KATNIP: variants seen among roughly 807,000 people sequenced by gnomAD.
KATNIP encodes the protein katanin-interacting protein.
KATNIP carries 126 observed loss-of-function variants against 174.0 expected under a neutral mutation model. The observed-to-expected ratio is 0.72, with a 90% CI of 0.63 to 0.84. The LOEUF is 0.84. Ranked by LOEUF, KATNIP falls within the 40% of genes least tolerant of loss-of-function variation. KATNIP has a pLI of 0.00. For synonymous variants in KATNIP, 810 were observed against 835.7 expected (o/e 0.97, Z 0.53); for missense variants, 1,958 against 2,109.7 (o/e 0.93, Z 1.41).
At chr16:27,630,325 GCTGT>G (rs2076448166) in intron 4 of KATNIP, among the ~76,000 whole-genome samples, 1 of 152,240 alleles carries the variant, frequency 6.6e-6, no homozygotes, top group East Asian at 1.9e-4. Flanking sequence ...AGAAATGTAA[GCTGT>G]CTGTCACACA....
chr16:27,622,723 G>A (rs1047859222), intron 3 of KATNIP, among the ~76,000 whole-genome samples: 6 of 152,136 alleles, frequency 3.9e-5, no homozygotes, highest in African/African-American at 1.2e-4. Flanking sequence ...AGAAGATCCA[G>A]GCAGAAAGAA....
chr16:27,580,794 T>G (rs1596789394), intron 2 of KATNIP, among the ~76,000 whole-genome samples: 1 of 151,896 alleles, frequency 6.6e-6, no homozygotes, highest in South Asian at 2.1e-4. Flanking sequence ...GGCTGCCTAG[T>G]ACTCCATTGT....
At chr16:27,680,965 G>T (rs1347708014) in intron 7 of KATNIP, among the ~76,000 whole-genome samples, 2 of 152,200 alleles carry the variant, frequency 1.3e-5, no homozygotes, top group Admixed American at 6.5e-5. Flanking sequence ...AAAGTGCTGG[G>T]ATTAGAGGCG....
At chr16:27,550,543 T>G (rs1247291084) in intron 1 of KATNIP, among the ~76,000 whole-genome samples, 1 of 151,726 alleles carries the variant, frequency 6.6e-6, no homozygotes, top group African/African-American at 2.4e-5. Context: ...ATCGTGGGAG[T>G]GCAATCGTCA....
At chr16:27,749,295 G>T (rs564033055) in intron 15 of KATNIP, among the ~76,000 whole-genome samples, 1 of 152,164 alleles carries the variant, frequency 6.6e-6, no homozygotes, top group African/African-American at 2.4e-5. Flanking sequence ...TTATTTTACC[G>T]ACCTGAATGG....
rs1297644508 is a variant in KATNIP at position 27,776,175 on chromosome 16, C to G, written c.4450-753C>G. On this transcript the variant is annotated intron_variant, in intron 24 of 27. Transcript: ENST00000261588. The surrounding 1 kb of genome is among the most constrained non-coding windows in gnomAD (Gnocchi z 4.7). ...TCCATGGTCCAGCCAGGAGGCTGGCCCTACCCGAGCAGCCGCACTCCCTCT... is the reference window on the plus strand; with the variant it reads ...TCCATGGTCCAGCCAGGAGGCTGGCGCTACCCGAGCAGCCGCACTCCCTCT... Among the ~76,000 whole-genome samples, 1 of 152,172 alleles carries G rather than the reference C, an allele frequency of 6.6e-6. No individual in the cohort carries two copies. The highest frequency in any genetic ancestry group is 1.9e-4 in the East Asian group (1 of 5,172).
chr16:27,648,154 G>A (rs894692091), intron 5 of KATNIP, among the ~76,000 whole-genome samples: 7 of 152,074 alleles, frequency 4.6e-5, no homozygotes, highest in African/African-American at 9.7e-5. Context: ...AATTTGCCGC[G>A]TGGTGGCAGG....
chr16:27,578,626 G>A (rs1005272704), intron 2 of KATNIP, among the ~76,000 whole-genome samples: 1 of 152,088 alleles, frequency 6.6e-6, no homozygotes, highest in Non-Finnish European at 1.5e-5. Flanking sequence ...CACCCAGGTT[G>A]GAGTGCAGTG....
chr16:27,648,822 A>G lies in KATNIP; in HGVS notation c.540+87A>G, dbSNP rs994072464. On this transcript the variant is annotated intron_variant, in intron 6 of 27. Coordinates refer to ENST00000261588, the MANE Select transcript of KATNIP (RefSeq NM_015202.5). ...GTGGCCCCTCGGGGCACTTTCTGAC[A>G]GTTATTTATTCTGTCCTTCACTCGC... The G allele has an allele frequency of 2.8e-6, 4 of 1,434,264 alleles. No homozygotes were observed. In the African/African-American group the frequency reaches 5.7e-5, roughly 20 times the overall value. 88.8% of individuals were successfully genotyped at this position (1,434,264 alleles called of 1,614,324 possible).
intron 22 of KATNIP, among the ~76,000 whole-genome samples, chr16:27,771,921 C>G (rs1357585330): frequency 6.6e-6 from 1 of 152,110 alleles, no homozygotes; most frequent in Non-Finnish European, 1.5e-5. Context: ...GGCACTGACC[C>G]CAGTGGCTGG....
intron 14 of KATNIP, among the ~76,000 whole-genome samples, chr16:27,736,294 C>A (rs1260484624): frequency 1.3e-5 from 2 of 152,190 alleles, no homozygotes; most frequent in Non-Finnish European, 2.9e-5. Flanking sequence ...TGAGCCACTG[C>A]GCCTGGCCCA....
At chr16:27,670,277 C>T (rs2077848072) in intron 6 of KATNIP, among the ~76,000 whole-genome samples, 4 of 152,180 alleles carry the variant, frequency 2.6e-5, no homozygotes, top group Admixed American at 2.6e-4. Flanking sequence ...GTTAGCTAAG[C>T]TAAGGGCTTA....
intron 8 of KATNIP, among the ~76,000 whole-genome samples, chr16:27,685,848 A>G (rs72788549): frequency 7.2e-4 from 109 of 152,366 alleles, no homozygotes; most frequent in Non-Finnish European, 1.1e-3. Flanking sequence ...TCACCTAGAT[A>G]TTAGGCTGTA....
chr16:27,674,638 G>C (rs1300676930), intron 6 of KATNIP, among the ~76,000 whole-genome samples: 2 of 152,192 alleles, frequency 1.3e-5, no homozygotes, highest in Non-Finnish European at 2.9e-5. Context: ...GATAATCCAG[G>C]CTCCTGTCCT....
At position 27,571,969 on chromosome 16, in the gene KATNIP, T is replaced by C. The variant is rs914421996; in HGVS notation, c.8-1932T>C. 5.3e-5 allele frequency among the ~76,000 whole-genome samples: 8 copies of C among 152,296 alleles called. No individual in the cohort carries two copies. In the East Asian group the frequency reaches 1.5e-3, roughly 29 times the overall value. Reference sequence around the variant, plus strand: ...AAATTGGCCTAACAATCAAATCTCTTGATCCCTAAATCCTGGGGGTGTGTG... The same window carrying C: ...AAATTGGCCTAACAATCAAATCTCTCGATCCCTAAATCCTGGGGGTGTGTG... On this transcript the variant is annotated intron_variant, in intron 1 of 27. Transcript: ENST00000261588.
chr16:27,618,898 T>A (rs894706299), intron 3 of KATNIP, among the ~76,000 whole-genome samples: 14 of 152,072 alleles, frequency 9.2e-5, no homozygotes, highest in Non-Finnish European at 1.5e-5. Context: ...AAAAATGGAG[T>A]CATTTTACAT....
chr16:27,614,167 C>A (rs1022415472), intron 2 of KATNIP, among the ~76,000 whole-genome samples: 1 of 151,372 alleles, frequency 6.6e-6, no homozygotes, highest in Non-Finnish European at 1.5e-5. Context: ...AACCTCCAAC[C>A]CCCGGGTTCA....
chr16:27,616,329 C>T (rs2076035544), intron 2 of KATNIP, among the ~76,000 whole-genome samples: 1 of 152,070 alleles, frequency 6.6e-6, no homozygotes, highest in East Asian at 1.9e-4. Flanking sequence ...TGCCACTGCA[C>T]TTCAGCCTGG....
intron 2 of KATNIP, among the ~76,000 whole-genome samples, chr16:27,592,983 C>G (rs941609998): frequency 6.6e-6 from 1 of 152,236 alleles, no homozygotes; most frequent in Non-Finnish European, 1.5e-5. Context: ...GGCTCTGAAG[C>G]AGTGGAGCTT....
Sources: gnomAD v4.1 joint callset for allele counts (sites outside exome capture counted in the v4.1 genomes callset) on GRCh38, gnomAD v4.1.1 for gene constraint, Gnocchi (gnomAD v3.1) non-coding constraint, MANE v1.5 for transcripts, NCBI Gene and HGNC (gene_info 2026-07-23, HGNC 2026-07-21) for gene names.